The following KLHL3 variants were observed in gnomAD, a reference collection of about 807,000 sequenced individuals.
KLHL3 encodes kelch like family member 3.
A neutral mutation model predicts 70.5 loss-of-function variants in KLHL3; 19 were observed. That is an observed-to-expected ratio of 0.27 (90% CI 0.19 to 0.40). The LOEUF is 0.40. KLHL3 is among the 10% of genes least tolerant of loss of function. The pLI is 1.00. For synonymous variants in KLHL3, 258 were observed against 290.3 expected, an observed-to-expected ratio of 0.89 and a Z score of 1.13; for missense variants, 512 against 771.1, an observed-to-expected ratio of 0.66 and a Z score of 3.98.
intron 3 of KLHL3, among the ~76,000 whole-genome samples, chr5:137,709,267 G>A (rs530664250): frequency 6.6e-6 from 1 of 152,316 alleles, no homozygotes; most frequent in Non-Finnish European, 1.5e-5. Context: ...CAGGGCCCCT[G>A]TCTGGAATGA....
In KLHL3 at chr5:137,630,381, C is replaced by T. The variant is rs559914075; in HGVS notation, c.1451-1944G>A. Among the ~76,000 whole-genome samples the T allele has an allele frequency of 6.6e-5, 10 of 152,214 alleles. No homozygotes were observed. The South Asian group carries it at 1.9e-3, about 28-fold the overall frequency. On this transcript the variant is annotated intron_variant, in intron 12 of 14. Coordinates refer to ENST00000309755, the MANE Select transcript of KLHL3 (RefSeq NM_017415.3). ...AGCAATAACCATTTCAGCAGCGTGGCAGAGACAAAGCAGCTGTAGTCTCCA... is the reference window on the plus strand; with the variant it reads ...AGCAATAACCATTTCAGCAGCGTGGTAGAGACAAAGCAGCTGTAGTCTCCA...
chr5:137,665,837 T>C (rs537829028), intron 6 of KLHL3, among the ~76,000 whole-genome samples: 1 of 152,154 alleles, frequency 6.6e-6, no homozygotes, highest in East Asian at 1.9e-4. Flanking sequence ...TAACTTGAAT[T>C]TGGCAAGGAA....
intron 3 of KLHL3, among the ~76,000 whole-genome samples, chr5:137,709,302 G>C (rs1172032799): frequency 1.3e-5 from 2 of 152,224 alleles, no homozygotes; most frequent in Admixed American, 6.5e-5. Flanking sequence ...ACAATAGGTA[G>C]GCCAGCTAGT....
intron 6 of KLHL3, among the ~76,000 whole-genome samples, chr5:137,675,167 G>A (rs576085521): frequency 3.9e-5 from 6 of 152,228 alleles, no homozygotes; most frequent in African/African-American, 1.4e-4. Context: ...ATAGAACTTC[G>A]TTAATGTGAA....
intron 8 of KLHL3, among the ~76,000 whole-genome samples, chr5:137,652,449 T>C (rs537123445): frequency 1.5e-4 from 23 of 152,320 alleles, no homozygotes; most frequent in Non-Finnish European, 2.5e-4. Flanking sequence ...AAAGAAACTG[T>C]GGTATACATA....
At chr5:137,721,756 G>A (rs1185112708) in intron 1 of KLHL3, among the ~76,000 whole-genome samples, 1 of 152,212 alleles carries the variant, frequency 6.6e-6, no homozygotes, top group East Asian at 1.9e-4. Context: ...TTGCACCCCA[G>A]CCTGGGCAAC....
intron 3 of KLHL3, 111 bp from the exon 4 acceptor site, chr5:137,698,519 C>T: frequency 8.1e-7 from 1 of 1,230,138 alleles, no homozygotes; most frequent in Non-Finnish European, 1.2e-6. Context: ...TCCTGGGCTC[C>T]AGGAGGCAGC....
intron 1 of KLHL3, among the ~76,000 whole-genome samples, chr5:137,730,184 T>C (rs115065306): frequency 7.9e-4 from 121 of 152,324 alleles, no homozygotes; most frequent in African/African-American, 2.4e-3. Context: ...AGTGCAGAAC[T>C]GGCACTGAAA....
In KLHL3 at chr5:137,618,307, CAATTTA is replaced by C. The variant is rs1307831046; in HGVS notation, c.*3785_*3790del. On this transcript the variant is annotated 3_prime_UTR_variant, in exon 15 of 15. Coordinates refer to ENST00000309755, the MANE Select transcript of KLHL3 (RefSeq NM_017415.3). ...TAGGTGCAAATGGGGAGCATGGAGG[CAATTTA>C]AATGGCACCTGTCCCAACAATAATA... The C allele has an allele frequency of 6.6e-6, 1 of 152,328 alleles. No homozygotes were observed. Among genetic ancestry groups the C allele is most frequent in the Admixed American group, 6.5e-5 (1 of 15,274 alleles). The allele number at this position is 152,328 out of a possible 1,614,324, so 9.4% of individuals were successfully genotyped here. A position where few individuals can be genotyped will look rare whatever the true frequency, so the allele number is the denominator to read the frequency against.
chr5:137,653,231 C>T (rs1019142718), intron 8 of KLHL3, among the ~76,000 whole-genome samples: 2 of 151,614 alleles, frequency 1.3e-5, no homozygotes, highest in African/African-American at 4.9e-5. Flanking sequence ...GCCTGGGCAA[C>T]AGAGTAAGAC....
At chr5:137,692,544 A>C in intron 4 of KLHL3, 97 bp from the exon 5 acceptor site, 1 of 1,195,234 alleles carries the variant, frequency 8.4e-7, no homozygotes. Flanking sequence ...AGATCTTTTC[A>C]TGGCTCTCCA....
intron 1 of KLHL3, among the ~76,000 whole-genome samples, chr5:137,729,708 T>C (rs989030671): frequency 5.9e-5 from 9 of 152,162 alleles, no homozygotes; most frequent in African/African-American, 2.2e-4. Context: ...CCTATATAGA[T>C]AGGATTTCTG....
intron 5 of KLHL3, among the ~76,000 whole-genome samples, chr5:137,692,074 G>C (rs571351936): frequency 6.6e-6 from 1 of 152,130 alleles, no homozygotes; most frequent in Non-Finnish European, 1.5e-5. Context: ...GAAAATTACT[G>C]TCTGTACCAT....
At chr5:137,669,860 G>A (rs1462001693) in intron 6 of KLHL3, among the ~76,000 whole-genome samples, 1 of 152,188 alleles carries the variant, frequency 6.6e-6, no homozygotes, top group African/African-American at 2.4e-5. Context: ...ATTCAATCCG[G>A]GCAGCTGAGT....
intron 8 of KLHL3, chr5:137,647,763 T>TG (rs1751091800): frequency 2.8e-6 from 1 of 363,308 alleles, no homozygotes; most frequent in Non-Finnish European, 5.7e-6. Flanking sequence ...GCAGAGAAAA[T>TG]GGGGGTCTGA....
chr5:137,694,497 T>A (rs1752398613), intron 4 of KLHL3, among the ~76,000 whole-genome samples: 1 of 152,140 alleles, frequency 6.6e-6, no homozygotes, highest in African/African-American at 2.4e-5. Flanking sequence ...TCAATTAACC[T>A]GTGAGCTTGC....
At chr5:137,640,738 C>CA (rs551877188) in intron 8 of KLHL3, among the ~76,000 whole-genome samples, 3 of 151,992 alleles carry the variant, frequency 2.0e-5, no homozygotes, top group Non-Finnish European at 4.4e-5. Flanking sequence ...CAGCCACCCC[C>CA]CCCAACTCCT....
At chr5:137,678,278 TG>T (rs1307491355) in intron 5 of KLHL3, among the ~76,000 whole-genome samples, 1 of 152,034 alleles carries the variant, frequency 6.6e-6, no homozygotes, top group Non-Finnish European at 1.5e-5. Context: ...GCCAGGCCTA[TG>T]GAACTGTTCA....
At chr5:137,725,014 T>C (rs1348549664) in intron 1 of KLHL3, 1 of 983,462 alleles carries the variant, frequency 1.0e-6, no homozygotes, top group Non-Finnish European at 1.2e-6. Context: ...AGGCACAGAG[T>C]TGCTAGATCT....
Sources: allele counts gnomAD v4.1 joint callset (sites outside exome capture counted in the v4.1 genomes callset), GRCh38; gene constraint gnomAD v4.1.1; transcripts MANE v1.5; gene names NCBI Gene and HGNC (gene_info 2026-07-23, HGNC 2026-07-21).